Variants in AXDND1 observed in about 807,000 individuals in gnomAD.
AXDND1 encodes axonemal dynein light chain domain containing 1, also known as axonemal dynein light chain domain-containing protein 1.
A neutral mutation model predicts 137.5 loss-of-function variants in AXDND1; 110 were observed. The ratio of observed to expected loss-of-function variants is 0.80; its 90% confidence interval spans 0.69 to 0.94. The LOEUF (loss-of-function observed/expected upper bound fraction) is 0.94, where lower values mean the gene tolerates loss of function less well. Ranked by LOEUF, AXDND1 falls within the 40% of genes least tolerant of loss-of-function variation. The pLI is 0.00. For missense variants in AXDND1, 1,191 were observed against 1,169.8 expected (o/e 1.02, Z -0.26); for synonymous variants, 414 against 399.7 (o/e 1.04, Z -0.43).
Position 179,491,661 on chromosome 1 carries a change from A to G in AXDND1, c.2215A>G (p.Ile739Val), listed in dbSNP as rs554642340. Residue 739 changes from isoleucine (I) to valine (V), a missense_variant, in exon 19 of 26, where the codon ATA becomes GTA. Transcript: ENST00000367618. ...GGAGGAAAGTGCTGAGAAACATGAT[A>G]TAGGAGTTGCGCGATTGGAGCTAGA... ...LEEESAEKHD[I>V]GVARLELDAI... 5.6e-6 allele frequency: 9 copies of G among 1,613,166 alleles called. No homozygotes were observed. The highest frequency in any genetic ancestry group is 2.2e-5 in the East Asian group (1 of 44,846).
chr1:179,552,779 A>G, intron 25 of AXDND1: 1 of 906,794 alleles, frequency 1.1e-6, no homozygotes, highest in Middle Eastern at 2.1e-4. Context: ...CTGTCTCATG[A>G]TGAGTAGCAA....
chr1:179,411,512 T>C (rs1372771809), intron 12 of AXDND1, among the ~76,000 whole-genome samples: 1 of 151,900 alleles, frequency 6.6e-6, no homozygotes, highest in Non-Finnish European at 1.5e-5. Flanking sequence ...ACCCGGCCTG[T>C]TTTGCAGTTT....
chr1:179,470,841 T>C (rs1204244896), intron 17 of AXDND1, among the ~76,000 whole-genome samples: 1 of 152,158 alleles, frequency 6.6e-6, no homozygotes, highest in Non-Finnish European at 1.5e-5. Context: ...TTATGGGAAA[T>C]GCATCCAGTC....
intron 12 of AXDND1, among the ~76,000 whole-genome samples, chr1:179,418,907 G>T (rs1200066487): frequency 6.6e-6 from 1 of 151,534 alleles, no homozygotes; most frequent in Non-Finnish European, 1.5e-5. Context: ...AGACGGGGCG[G>T]CAGGGCAGAG....
chr1:179,433,127 C>A (rs1021071003), intron 15 of AXDND1, among the ~76,000 whole-genome samples: 6 of 151,982 alleles, frequency 3.9e-5, no homozygotes, highest in African/African-American at 1.5e-4. Flanking sequence ...GGAATTTATC[C>A]GTTTCTTCTA....
At chr1:179,444,185 T>C (rs577498919) in intron 15 of AXDND1, among the ~76,000 whole-genome samples, 1 of 152,266 alleles carries the variant, frequency 6.6e-6, no homozygotes, top group South Asian at 2.1e-4. Context: ...TGTGAGGAGC[T>C]GAAAATGTGT....
chr1:179,367,366 TA>T (rs1484526664), intron 2 of AXDND1, among the ~76,000 whole-genome samples: 1 of 151,680 alleles, frequency 6.6e-6, no homozygotes, highest in Non-Finnish European at 1.5e-5. Flanking sequence ...ATACAAAAAT[TA>T]GGGGGGGCGT....
intron 6 of AXDND1, among the ~76,000 whole-genome samples, chr1:179,381,041 T>C (rs1159313910): frequency 2.4e-5 from 2 of 83,756 alleles, no homozygotes. Context: ...GACTTTTTTT[T>C]TTTTTTTTTT....
At chr1:179,382,207 T>A (rs12743585) in intron 6 of AXDND1, among the ~76,000 whole-genome samples, 43,557 of 151,460 alleles carry the variant, frequency 0.29, 6,467 homozygotes, top group Non-Finnish European at 0.31. Context: ...GCCTCCTGAG[T>A]AGCTGGGATT....
At chr1:179,386,080 C>T (rs1571584490) in intron 9 of AXDND1, among the ~76,000 whole-genome samples, 2 of 112,938 alleles carry the variant, frequency 1.8e-5, no homozygotes, top group Non-Finnish European at 3.3e-5. Flanking sequence ...TTGAGACAGT[C>T]TCGCTCTGTC....
chr1:179,407,931 T>G (rs1201056377), intron 11 of AXDND1, among the ~76,000 whole-genome samples: 2 of 152,212 alleles, frequency 1.3e-5, no homozygotes, highest in Non-Finnish European at 2.9e-5. Flanking sequence ...CACATAAGCT[T>G]TCTTCATTGT....
At chr1:179,422,516 C>CT (rs1655916718) in intron 12 of AXDND1, among the ~76,000 whole-genome samples, 1 of 152,014 alleles carries the variant, frequency 6.6e-6, no homozygotes, top group South Asian at 2.1e-4. Flanking sequence ...ATGATTTCTA[C>CT]TTTTTTGAAT....
At chr1:179,430,058 G>C (rs1207556225) in intron 13 of AXDND1, among the ~76,000 whole-genome samples, 1 of 150,838 alleles carries the variant, frequency 6.6e-6, no homozygotes, top group African/African-American at 2.4e-5. Flanking sequence ...TAGATATTAG[G>C]GTCTTTATGG....
At chr1:179,531,096 G>A (rs1016418067) in intron 23 of AXDND1, among the ~76,000 whole-genome samples, 3 of 152,102 alleles carry the variant, frequency 2.0e-5, no homozygotes, top group Non-Finnish European at 4.4e-5. Context: ...TGCAATCATG[G>A]GGTATGGAAA....
At chr1:179,380,893 T>A (rs1648155585) in intron 6 of AXDND1, among the ~76,000 whole-genome samples, 1 of 152,172 alleles carries the variant, frequency 6.6e-6, no homozygotes, top group South Asian at 2.1e-4. Flanking sequence ...CTTTGTCTCA[T>A]TTGCTCTTAA....
At chr1:179,455,095 CAAAAAAAA>C (rs60418416) in intron 16 of AXDND1, 11 of 126,058 alleles carry the variant, frequency 8.7e-5, no homozygotes, top group Admixed American at 1.5e-4. Context: ...GACTCCGTCT[CAAAAAAAA>C]AAAAAGAAAA....
chr1:179,447,179 G>T (rs946494676), intron 16 of AXDND1, among the ~76,000 whole-genome samples: 20 of 152,012 alleles, frequency 1.3e-4, no homozygotes, highest in African/African-American at 4.8e-4. Flanking sequence ...TAAGTGTATG[G>T]TTTTACCCAC....
rs573924992 is a variant in AXDND1, at chr1:179,417,758, T to C, written c.1230+6492T>C. 8.7e-4 allele frequency among the ~76,000 whole-genome samples: 133 copies of C among 152,172 alleles called. 1 individual carries two copies. Among genetic ancestry groups the C allele is most frequent in the African/African-American group, 2.9e-3 (120 of 41,538 alleles). ...AAAAAAATTCTGTGAAGAATGCCATTGGTATTTTAAGAGGGCTGGCATTGA... is the reference window on the plus strand; with the variant it reads ...AAAAAAATTCTGTGAAGAATGCCATCGGTATTTTAAGAGGGCTGGCATTGA... On this transcript the variant is annotated intron_variant, in intron 12 of 25. Coordinates refer to ENST00000367618, the MANE Select transcript of AXDND1 (RefSeq NM_144696.6).
At position 179,511,393 on chromosome 1, in the gene AXDND1, G is replaced by GGGGTGTGT. The variant is rs146749734; in HGVS notation, c.2496+1991_2496+1992insGGTGTGTG. Reference sequence around the variant, plus strand: ...TATATACATAGTATATGGTATATGGGGTGTGTGTGTGTGTGTGTGTGTGTG... The same window carrying GGGGTGTGT: ...TATATACATAGTATATGGTATATGGGGGGTGTGTGTGTGTGTGTGTGTGTGTGTGTGTG... On this transcript the variant is annotated intron_variant, in intron 21 of 25. Coordinates refer to ENST00000367618, the MANE Select transcript of AXDND1 (RefSeq NM_144696.6). Among the ~76,000 whole-genome samples the GGGGTGTGT allele has an allele frequency of 3.9e-3, 559 of 145,120 alleles. 6 individuals carry two copies. The highest frequency in any genetic ancestry group is 0.013 in the African/African-American group (529 of 39,314).
Sources: gnomAD v4.1 joint callset for allele counts (sites outside exome capture counted in the v4.1 genomes callset) on GRCh38, gnomAD v4.1.1 for gene constraint, MANE v1.5 for transcripts, NCBI Gene and HGNC (gene_info 2026-07-23, HGNC 2026-07-21) for gene names.